The following OR7E24 variants were observed in gnomAD, a reference collection of about 807,000 sequenced individuals.
OR7E24 encodes the protein olfactory receptor family 7 subfamily E member 24.
For synonymous variants in OR7E24, 130 were observed against 157.5 expected, an observed-to-expected ratio of 0.83 and a Z score of 1.31; for missense variants, 385 against 410.3, an observed-to-expected ratio of 0.94 and a Z score of 0.53.
At chr19:9,245,531 G>A (rs977127365), upstream of OR7E24, among the ~76,000 whole-genome samples, 1 of 152,184 alleles carries the variant, frequency 6.6e-6, no homozygotes, top group Non-Finnish European at 1.5e-5. Context: ...ACCATAGGAT[G>A]CTGCAAGTTC....
At chr19:9,236,605 C>T in the OR7E24 span, among the ~76,000 whole-genome samples, 4 of 149,870 alleles carry the variant, frequency 2.7e-5, no homozygotes, top group Non-Finnish European at 4.4e-5. Context: ...ATGACTTTTG[C>T]ACCCACCTAA....
rs769391692 is a variant in OR7E24, at chr19:9,251,522, G to C, written c.479G>C (p.Gly160Ala). 1.2e-6 allele frequency: 2 copies of C among 1,614,064 alleles called. No homozygotes were observed. The highest frequency in any genetic ancestry group is 1.1e-5 in the South Asian group (1 of 91,078). The change falls in exon 1 of 1, where the codon GGC becomes GCC. Residue 160 changes from glycine (G) to alanine (A), a missense_variant. Transcript: ENST00000456448. ...ATCATCATGAACCCACGCCTCTGTG[G>C]CTTCTTAATCTTGTTGTCTTTTTTT... is the stretch of plus-strand genomic sequence containing the variant. ...YRIIMNPRLCGFLILLSFFIS... is the reference protein window; with the variant it reads ...YRIIMNPRLCAFLILLSFFIS...
At chr19:9,245,847 C>T (rs1306822443), upstream of OR7E24, among the ~76,000 whole-genome samples, 1 of 151,998 alleles carries the variant, frequency 6.6e-6, no homozygotes, top group African/African-American at 2.4e-5. Flanking sequence ...CGTGACTGGG[C>T]CTCATGCCAA....
At chr19:9,233,179 C>T in the OR7E24 span, among the ~76,000 whole-genome samples, 35,337 of 152,158 alleles carry the variant, frequency 0.23, 4,404 homozygotes, top group East Asian at 0.37. Context: ...TTTCAGAACC[C>T]AACTTCCTAG....
upstream of OR7E24, chr19:9,247,376 G>T (rs199814590): frequency 8.9e-4 from 355 of 398,056 alleles, 3 homozygotes; most frequent in East Asian, 0.012. Context: ...CACACCTGTC[G>T]TCTGCATCAG....
chr19:9,218,008 G>C, the OR7E24 span, among the ~76,000 whole-genome samples: 13,762 of 152,214 alleles, frequency 0.09, 892 homozygotes, highest in African/African-American at 0.18. Flanking sequence ...TTGATGACTA[G>C]AAATAGAACA....
chr19:9,245,830 G>A (rs117962420), upstream of OR7E24, among the ~76,000 whole-genome samples: 8,036 of 152,092 alleles, frequency 0.053, 436 homozygotes, highest in African/African-American at 0.14. Flanking sequence ...CAGTCGTGAA[G>A]GGCCCTCGTG....
chr19:9,251,387 G>A lies in OR7E24; in HGVS notation c.344G>A (p.Cys115Tyr), dbSNP rs918695772. The change falls in exon 1 of 1, where the codon TGC becomes TAC. Residue 115 changes from cysteine (C) to tyrosine (Y), a missense_variant. Cys to Tyr is a radical substitution (Grantham distance 194, BLOSUM62 -2). Coordinates refer to ENST00000456448, the MANE Select transcript of OR7E24 (RefSeq NM_001079935.2). Reference protein sequence around the residue: ...THSRVISYEGCLTQMSFFVLF... With the variant: ...THSRVISYEGYLTQMSFFVLF... ...AGCAGAGTCATCTCCTATGAAGGCT[G>A]CCTGACTCAGATGTCTTTTTTTGTC... The A allele has an allele frequency of 3.7e-6, 6 of 1,614,096 alleles. No homozygotes were observed. Among genetic ancestry groups the A allele is most frequent in the Non-Finnish European group, 2.5e-6 (3 of 1,180,016 alleles).
chr19:9,230,737 G>A, the OR7E24 span, among the ~76,000 whole-genome samples: 1 of 152,082 alleles, frequency 6.6e-6, no homozygotes, highest in Non-Finnish European at 1.5e-5. Flanking sequence ...TTTCACTTCA[G>A]TGTCCACAGT....
chr19:9,215,070 C>T, the OR7E24 span, among the ~76,000 whole-genome samples: 3 of 152,238 alleles, frequency 2.0e-5, no homozygotes, highest in South Asian at 6.2e-4. Flanking sequence ...TTTGGCCGGG[C>T]ATGGTGGCTC....
chr19:9,217,725 G>C, the OR7E24 span, among the ~76,000 whole-genome samples: 1 of 152,116 alleles, frequency 6.6e-6, no homozygotes, highest in Non-Finnish European at 1.5e-5. Flanking sequence ...TTTTAGTAGA[G>C]ACAGGGTTTC....
At chr19:9,217,535 G>GGTTTGTTT in the OR7E24 span, among the ~76,000 whole-genome samples, 2 of 151,822 alleles carry the variant, frequency 1.3e-5, no homozygotes, top group Admixed American at 6.6e-5. Flanking sequence ...ATGGATCATT[G>GGTTTGTTT]GTTTGTTTGT....
the OR7E24 span, chr19:9,235,541 T>C: frequency 7.8e-6 from 12 of 1,548,386 alleles, no homozygotes; most frequent in Non-Finnish European, 1.1e-5. Flanking sequence ...CTGCAGTACA[T>C]GGTCATCATA....
At chr19:9,245,747 T>C (rs1259761810), upstream of OR7E24, among the ~76,000 whole-genome samples, 2 of 152,202 alleles carry the variant, frequency 1.3e-5, no homozygotes, top group East Asian at 3.9e-4. Context: ...TTTCAATCTA[T>C]TCCTATACAT....
the OR7E24 span, among the ~76,000 whole-genome samples, chr19:9,233,412 G>A: frequency 6.6e-6 from 1 of 152,068 alleles, no homozygotes; most frequent in Non-Finnish European, 1.5e-5. Context: ...ACTGACCTTA[G>A]TACACTGCAA....
At chr19:9,230,288 C>T in the OR7E24 span, among the ~76,000 whole-genome samples, 1 of 151,924 alleles carries the variant, frequency 6.6e-6, no homozygotes, top group East Asian at 1.9e-4. Flanking sequence ...CAGGTGATCC[C>T]CCTGCTTTGG....
chr19:9,228,183 A>G, the OR7E24 span, among the ~76,000 whole-genome samples: 1 of 151,894 alleles, frequency 6.6e-6, no homozygotes, highest in South Asian at 2.1e-4. Flanking sequence ...AGCATCTGTT[A>G]TTTTTTGACT....
the OR7E24 span, among the ~76,000 whole-genome samples, chr19:9,236,703 T>A: frequency 1.9e-3 from 286 of 152,062 alleles, 1 homozygote; most frequent in African/African-American, 6.6e-3. Flanking sequence ...TTTGATCCAT[T>A]TTTTTAGTGC....
the OR7E24 span, among the ~76,000 whole-genome samples, chr19:9,232,958 AC>A: frequency 1.3e-5 from 2 of 152,314 alleles, no homozygotes; most frequent in East Asian, 3.9e-4. Flanking sequence ...TAGAAAGAGC[AC>A]AGGATGGTCT....
Sources: gnomAD v4.1 joint callset for allele counts (sites outside exome capture counted in the v4.1 genomes callset) on GRCh38, gnomAD v4.1.1 for gene constraint, MANE v1.5 for transcripts, NCBI Gene and HGNC (gene_info 2026-07-23, HGNC 2026-07-21) for gene names.